TMC4: variants seen among roughly 807,000 people sequenced by gnomAD.
TMC4 encodes voltage-gated chloride channel TMC4.
TMC4 carries 70 observed loss-of-function variants against 82.0 expected under a neutral mutation model. The observed-to-expected ratio is 0.85, with a 90% CI of 0.70 to 1.04. The LOEUF is 1.04. Ranked by LOEUF, TMC4 falls within the 50% of genes least tolerant of loss-of-function variation. TMC4 has a pLI of 0.00. For synonymous variants in TMC4, 446 were observed against 406.0 expected, an observed-to-expected ratio of 1.10 and a Z score of -1.18; for missense variants, 879 against 899.0, an observed-to-expected ratio of 0.98 and a Z score of 0.28.
At position 54,165,450 on chromosome 19, in the gene TMC4, A is replaced by G. The variant is rs1214669151; in HGVS notation, c.914T>C (p.Leu305Pro). The G allele has an allele frequency of 6.2e-6, 10 of 1,609,988 alleles. No individual in the cohort carries two copies. The highest frequency in any genetic ancestry group is 1.3e-5 in the African/African-American group (1 of 74,894). The change falls in exon 6 of 15, where the codon CTG (leucine) becomes CCG (proline). Residue 305 changes from leucine (L) to proline (P), a missense_variant. Physicochemically the swap from Leu to Pro is moderately conservative, Grantham distance 98 (BLOSUM62 -3). Transcript: ENST00000619895. Reference sequence around the variant, plus strand: ...TTCGTACAAGATGATGCGCTGGCGCAGCCGCACGTGGACGTCCCCGCAGAG... The same window carrying G: ...TTCGTACAAGATGATGCGCTGGCGCGGCCGCACGTGGACGTCCCCGCAGAG... ...FGLCGDVHVR[L>P]RQRIILYELK... is the part of the protein sequence containing the mutation.
chr19:54,160,417 AC>A, intron 14 of TMC4, 43 bp from the exon 15 acceptor site: 1 of 1,599,544 alleles, frequency 6.3e-7, no homozygotes, highest in Non-Finnish European at 8.5e-7. Flanking sequence ...CTCTTCCCCA[AC>A]CCCTTTCCAT....
intron 2 of TMC4, 112 bp from the exon 3 acceptor site, chr19:54,169,772 TAA>T: frequency 7.1e-7 from 1 of 1,405,860 alleles, no homozygotes. Flanking sequence ...GGCCTATACA[TAA>T]GATAGAATAC....
In TMC4 at chr19:54,162,213, C is replaced by G. The variant is rs1568723123; in HGVS notation, c.1575G>C (p.Glu525Asp). The G allele has an allele frequency of 6.2e-7, 1 of 1,613,226 alleles. No individual in the cohort carries two copies. The highest frequency in any genetic ancestry group is 1.3e-5 in the African/African-American group (1 of 74,998). ...AGTQEFQVPDEVLGLIYAQTV... is the reference protein window; with the variant it reads ...AGTQEFQVPDDVLGLIYAQTV... ...TCTGCGCGTAGATGAGCCCCAGCAC[C>G]TCGTCGGGCACCTGGAACTCTTGGG... The change falls in exon 11 of 15, where the codon GAG (glutamate) becomes GAC (aspartate). Residue 525 changes from glutamate to aspartate, a missense_variant. Transcript: ENST00000619895.
Position 54,161,316 on chromosome 19 carries a change from A to ATT in TMC4, c.1687-58_1687-57dup, listed in dbSNP as rs765095573. 5,220 of 1,091,220 alleles carry ATT rather than the reference A, an allele frequency of 4.8e-3. 2 individuals are homozygous for ATT. Among genetic ancestry groups the ATT allele is most frequent in the Middle Eastern group, 7.0e-3 (20 of 2,876 alleles). The allele number at this position is 1,091,220 out of a possible 1,614,324, so 67.6% of individuals were successfully genotyped here. Reference sequence around the variant, plus strand: ...CTGAAACACAAGAGTCTGTGCCTCCATTTTTTTTTTTTTTTTTTTTTGAGA... The same window carrying ATT: ...CTGAAACACAAGAGTCTGTGCCTCCATTTTTTTTTTTTTTTTTTTTTTTGAGA... On this transcript the variant is annotated intron_variant, in intron 11 of 14. Coordinates refer to ENST00000619895, the MANE Select transcript of TMC4 (RefSeq NM_144686.4).
chr19:54,168,425 C>G, intron 4 of TMC4, 23 bp downstream of exon 4: 1 of 1,525,992 alleles, frequency 6.6e-7, no homozygotes. Flanking sequence ...GGCGGGGAAT[C>G]CCCCAGGGAC....
At chr19:54,160,701 G>A (rs184146208) in intron 13 of TMC4, 156 bp from the exon 14 acceptor site, 408 of 1,429,512 alleles carry the variant, frequency 2.9e-4, no homozygotes, top group Middle Eastern at 2.3e-4. Context: ...AGATCCAGGA[G>A]TCCTACGTCC....
chr19:54,168,619 G>C lies in TMC4; in HGVS notation c.504C>G (p.Asn168Lys), dbSNP rs114857532. ...AGGCCATGAGCACAGAGGCCAGCAC[G>C]TTAAGAAGGAGCAGGAAGCGCAGCA... ...FSLLRFLLLL[N>K]VLASVLMACM... The change falls in exon 4 of 15, where the codon AAC becomes AAG. Residue 168 changes from asparagine to lysine, a missense_variant. Coordinates refer to ENST00000619895, the MANE Select transcript of TMC4 (RefSeq NM_144686.4). The C allele has an allele frequency of 1.4e-5, 22 of 1,595,002 alleles. No homozygotes were observed. The African/African-American group carries it at 2.6e-4, about 18-fold the overall frequency.
intron 6 of TMC4, among the ~76,000 whole-genome samples, 167 bp downstream of exon 6, chr19:54,165,252 T>C (rs1026310474): frequency 1.3e-5 from 2 of 151,986 alleles, no homozygotes; most frequent in African/African-American, 4.8e-5. Context: ...GGCAGCCCTA[T>C]CTCGGCCTCC....
rs769561878 is a variant in TMC4, at chr19:54,160,976, C to G, written c.1875G>C (p.Gln625His). Residue 625 changes from glutamine to histidine, a missense_variant, in exon 13 of 15, where the codon CAG (glutamine) becomes CAC (histidine). Coordinates refer to ENST00000619895, the MANE Select transcript of TMC4 (RefSeq NM_144686.4). ...GGAGGCTGGAAATAGACTCAGGGAT[C>G]TGGGCCCAGATGGACGACTGCCCCC... is the stretch of plus-strand genomic sequence containing the variant. ...PFRGQSSIWA[Q>H]IPESISSLPE... 1.9e-6 allele frequency: 3 copies of G among 1,614,070 alleles called. No homozygotes were observed. In the African/African-American group the frequency reaches 4.0e-5, roughly 22 times the overall value.
intron 2 of TMC4, 80 bp from the exon 3 acceptor site, chr19:54,169,740 G>T: frequency 3.2e-6 from 5 of 1,550,330 alleles, no homozygotes; most frequent in South Asian, 1.2e-5. Context: ...CAATCCAACA[G>T]TAGAATGGAG....
At position 54,160,468 on chromosome 19, in the gene TMC4, G is replaced by GTC; in HGVS notation, c.2049_2050dup (p.Thr684ArgfsTer17). On this transcript the variant is annotated frameshift_variant and splice_region_variant, in exon 14 of 15. Transcript: ENST00000619895. LOFTEE classifies it high-confidence loss of function. ...CTCTCAGGGACCCGCCTGGCTCACC[G>GTC]TCTCTCTCTGACGTTTGAGCTCAGA... 2.5e-6 allele frequency: 4 copies of GTC among 1,613,666 alleles called. No homozygotes were observed. In the South Asian group the frequency reaches 4.4e-5, roughly 18 times the overall value.
chr19:54,168,644 A>C lies in TMC4; in HGVS notation c.479T>G (p.Leu160Arg). 1 of 1,579,740 alleles carries C rather than the reference A, an allele frequency of 6.3e-7. No individual in the cohort carries two copies. ...FGAGTESYFS[L>R]LRFLLLLNVL... ...GTTAAGAAGGAGCAGGAAGCGCAGC[A>C]GGGAGAAGTAGGACTCCGTGCCGGC... The change falls in exon 4 of 15, where the codon CTG becomes CGG. Residue 160 changes from leucine (L) to arginine (R), a missense_variant. Coordinates refer to ENST00000619895, the MANE Select transcript of TMC4 (RefSeq NM_144686.4).
At chr19:54,169,907 T>C (rs1273038534) in intron 2 of TMC4, among the ~76,000 whole-genome samples, 3 of 149,472 alleles carry the variant, frequency 2.0e-5, no homozygotes, top group Non-Finnish European at 4.4e-5. Flanking sequence ...CTGACCAACA[T>C]GGTGAAATCC....
chr19:54,160,219 T>G lies in TMC4; in HGVS notation c.*87A>C. On this transcript the variant is annotated 3_prime_UTR_variant, in exon 15 of 15. Coordinates refer to ENST00000619895, the MANE Select transcript of TMC4 (RefSeq NM_144686.4). ...ATACCAAAGCTGGAAGGGCGTGGAG[T>G]CTTCTCCAGTTCTCCTAGTTTACAG... 7.3e-7 allele frequency: 1 copy of G among 1,376,034 alleles called. No homozygotes were observed. The highest frequency in any genetic ancestry group is 2.5e-5 in the Admixed American group (1 of 40,580). The allele number at this position is 1,376,034 out of a possible 1,614,324, so 85.2% of individuals were successfully genotyped here.
At chr19:54,163,979 T>G in intron 7 of TMC4, 92 bp from the exon 8 acceptor site, 1 of 904,278 alleles carries the variant, frequency 1.1e-6, no homozygotes, top group Non-Finnish European at 1.5e-6. Flanking sequence ...TTCTTCTTCT[T>G]TTTTTTTTTT....
At position 54,162,676 on chromosome 19, in the gene TMC4, C is replaced by A; in HGVS notation, c.1499G>T (p.Arg500Ile). 1 of 1,613,572 alleles carries A rather than the reference C, an allele frequency of 6.2e-7. No individual in the cohort carries two copies. The highest frequency in any genetic ancestry group is 8.5e-7 in the Non-Finnish European group (1 of 1,179,808). Residue 500 changes from arginine to isoleucine, a missense_variant, in exon 10 of 15, where the codon AGA (arginine) becomes ATA (isoleucine). By Grantham distance (97) the Arg-to-Ile change is moderately conservative. Transcript: ENST00000619895. ...CAGCAAGGGGCGGGGCTCTCACTTT[C>A]TAGGAAACTGGATGAGCAGCGCGAC... is the stretch of plus-strand genomic sequence containing the variant. ...LAVALLIQFP[R>I]KLLCGLCPGA... is the part of the protein sequence containing the mutation.
At chr19:54,167,696 CCTCCTGGGCCACCG>C (rs1279061591) in intron 5 of TMC4, among the ~76,000 whole-genome samples, 1 of 151,052 alleles carries the variant, frequency 6.6e-6, no homozygotes, top group Non-Finnish European at 1.5e-5. Context: ...GCAAGCTCCA[CCTCCTGGGCCACCG>C]CTCCTGGCCC....
At chr19:54,164,699 A>G (rs1358877177) in intron 6 of TMC4, 98 bp from the exon 7 acceptor site, 1 of 1,485,488 alleles carries the variant, frequency 6.7e-7, no homozygotes, top group Non-Finnish European at 9.2e-7. Flanking sequence ...CTTAACGTGA[A>G]CTGATGCAGC....
intron 5 of TMC4, 113 bp from the exon 6 acceptor site, chr19:54,165,679 A>C (rs2075686954): frequency 8.0e-7 from 1 of 1,251,944 alleles, no homozygotes; most frequent in African/African-American, 1.5e-5. Flanking sequence ...GGCCTTGGGT[A>C]CTAGGCGAGT....
Sources: allele counts gnomAD v4.1 joint callset (sites outside exome capture counted in the v4.1 genomes callset), GRCh38; gene constraint gnomAD v4.1.1; transcripts MANE v1.5; gene names NCBI Gene and HGNC (gene_info 2026-07-23, HGNC 2026-07-21).